The following LSAMP variants were observed in gnomAD, a reference collection of about 807,000 sequenced individuals.
LSAMP encodes the protein limbic system-associated membrane protein.
In LSAMP, 7 loss-of-function variants were observed where a neutral mutation model predicts 38.6. The observed-to-expected ratio is 0.18, with a 90% confidence interval of 0.10 to 0.34. LSAMP has a LOEUF of 0.34. Ranked by LOEUF, LSAMP falls within the 10% of genes least tolerant of loss-of-function variation. The pLI is 1.00. For synonymous variants in LSAMP, 154 were observed against 166.8 expected (o/e 0.92, Z 0.59); for missense variants, 313 against 420.0 (o/e 0.75, Z 2.23).
intron 1 of LSAMP, among the ~76,000 whole-genome samples, chr3:116,306,597 T>C (rs2047488557): frequency 6.6e-6 from 1 of 151,982 alleles, no homozygotes; most frequent in Admixed American, 6.6e-5. Context: ...CTGAGTGCCA[T>C]CTCATCCCTG....
At chr3:115,811,724 T>C (rs775127229) in intron 6 of LSAMP, among the ~76,000 whole-genome samples, 2 of 152,180 alleles carry the variant, frequency 1.3e-5, no homozygotes, top group Non-Finnish European at 2.9e-5. Flanking sequence ...ATCTATGCTT[T>C]ATGTAAATAA....
At chr3:115,843,390 G>C (rs943103969) in intron 4 of LSAMP, among the ~76,000 whole-genome samples, 10 of 152,224 alleles carry the variant, frequency 6.6e-5, no homozygotes, top group African/African-American at 2.2e-4. Context: ...AGGATGGAAA[G>C]AGTGTTTGCA....
intron 1 of LSAMP, among the ~76,000 whole-genome samples, chr3:116,409,596 A>C (rs933518848): frequency 1.3e-5 from 2 of 152,038 alleles, no homozygotes; most frequent in South Asian, 4.1e-4. Flanking sequence ...CGTAATGCTG[A>C]TGACATTGGC....
At chr3:116,207,619 G>A (rs1389095917) in intron 1 of LSAMP, among the ~76,000 whole-genome samples, 1 of 151,722 alleles carries the variant, frequency 6.6e-6, no homozygotes, top group African/African-American at 2.4e-5. Context: ...AAATCTCTCA[G>A]CATTTTCTTG....
At chr3:116,260,947 T>C (rs777818616) in intron 1 of LSAMP, among the ~76,000 whole-genome samples, 9 of 152,214 alleles carry the variant, frequency 5.9e-5, no homozygotes, top group African/African-American at 2.4e-5. Flanking sequence ...AGGATGCAGC[T>C]GATTAACATT....
chr3:115,971,352 A>C (rs1361678611), intron 3 of LSAMP, among the ~76,000 whole-genome samples: 1 of 152,236 alleles, frequency 6.6e-6, no homozygotes, highest in Non-Finnish European at 1.5e-5. Context: ...CTGGCAAGTA[A>C]AACTTTTGTT....
At chr3:116,411,994 G>T (rs2048987442) in intron 1 of LSAMP, among the ~76,000 whole-genome samples, 1 of 151,960 alleles carries the variant, frequency 6.6e-6, no homozygotes, top group South Asian at 2.1e-4. Flanking sequence ...ACCAGATGCT[G>T]GTGCCATGCT....
intron 1 of LSAMP, among the ~76,000 whole-genome samples, chr3:116,092,615 C>T (rs188463593): frequency 2.0e-5 from 3 of 152,290 alleles, no homozygotes; most frequent in Admixed American, 2.0e-4. Context: ...AAAATCAATG[C>T]ACCCATACAA....
chr3:115,910,667 G>T (rs1192485108), intron 3 of LSAMP, among the ~76,000 whole-genome samples: 4 of 152,064 alleles, frequency 2.6e-5, no homozygotes, highest in Non-Finnish European at 5.9e-5. Flanking sequence ...CCTGCATATT[G>T]TTCTTTTATA....
intron 1 of LSAMP, among the ~76,000 whole-genome samples, chr3:116,309,726 T>A (rs972591125): frequency 2.6e-5 from 4 of 152,082 alleles, no homozygotes; most frequent in African/African-American, 9.7e-5. Flanking sequence ...GGGAAGAACA[T>A]TATAATTAGA....
chr3:116,005,818 G>T (rs746174912), intron 3 of LSAMP, among the ~76,000 whole-genome samples: 1 of 152,182 alleles, frequency 6.6e-6, no homozygotes, highest in Non-Finnish European at 1.5e-5. Flanking sequence ...TGGCATTATA[G>T]AGAAGACAAC....
At chr3:115,917,360 A>G (rs1337886083) in intron 3 of LSAMP, among the ~76,000 whole-genome samples, 2 of 152,178 alleles carry the variant, frequency 1.3e-5, no homozygotes, top group Admixed American at 1.3e-4. Context: ...TCTGAAATAA[A>G]ATGTTTCAGT....
intron 1 of LSAMP, among the ~76,000 whole-genome samples, chr3:116,441,775 G>A (rs1321981711): frequency 2.0e-5 from 3 of 152,124 alleles, no homozygotes; most frequent in Non-Finnish European, 4.4e-5. Context: ...GCGGATAAGC[G>A]TGTCTCACTC....
chr3:115,888,063 A>G (rs1936501774), intron 3 of LSAMP, among the ~76,000 whole-genome samples: 1 of 151,962 alleles, frequency 6.6e-6, no homozygotes, highest in South Asian at 2.1e-4. Flanking sequence ...TATGTCAGGC[A>G]TTGATGAGTA....
At chr3:116,138,479 C>A (rs73140914) in intron 1 of LSAMP, among the ~76,000 whole-genome samples, 164 of 152,040 alleles carry the variant, frequency 1.1e-3, no homozygotes, top group Non-Finnish European at 1.9e-3. Context: ...TAAAGATTGA[C>A]GCAATTGATC....
chr3:115,917,654 C>G (rs1321407545), intron 3 of LSAMP, among the ~76,000 whole-genome samples: 1 of 142,860 alleles, frequency 7.0e-6, no homozygotes, highest in Admixed American at 6.9e-5. Context: ...TTTTTTTTTT[C>G]AAGTTCATAA....
intron 2 of LSAMP, among the ~76,000 whole-genome samples, chr3:116,061,790 TC>T (rs1215736096): frequency 6.6e-6 from 1 of 152,220 alleles, no homozygotes; most frequent in Non-Finnish European, 1.5e-5. Context: ...CACTGCTCTA[TC>T]CCCAGCATCT....
chr3:115,955,421 A>G lies in LSAMP; in HGVS notation c.514+64094T>C, dbSNP rs529442244. Among the ~76,000 whole-genome samples the G allele has an allele frequency of 1.0e-3, 158 of 152,264 alleles. 1 individual carries two copies. In the South Asian group the frequency reaches 0.015, roughly 14 times the overall value. ...CAGCAGACCGTGTTCACTTCTCATG[A>G]AAATAGTTGTGGTATTAGACTTCAT... On this transcript the variant is annotated intron_variant, in intron 3 of 6. Transcript: ENST00000490035.
At chr3:116,177,261 G>A (rs149522630) in intron 1 of LSAMP, among the ~76,000 whole-genome samples, 62 of 152,184 alleles carry the variant, frequency 4.1e-4, no homozygotes, top group Admixed American at 1.2e-3. Context: ...TGACATCTCC[G>A]AATTGTAGTA....
Sources: allele counts gnomAD v4.1 joint callset (sites outside exome capture counted in the v4.1 genomes callset), GRCh38; gene constraint gnomAD v4.1.1; transcripts MANE v1.5; gene names NCBI Gene and HGNC (gene_info 2026-07-23, HGNC 2026-07-21).